Variants in CLTB observed in about 807,000 individuals in gnomAD.
The protein encoded by CLTB is clathrin, light chain (Lcb).
In CLTB, 10 loss-of-function variants were observed where a neutral mutation model predicts 30.5. That is an observed-to-expected ratio of 0.33 (90% CI 0.20 to 0.56). The LOEUF (loss-of-function observed/expected upper bound fraction) is 0.56. Ranked by LOEUF, CLTB falls within the 20% of genes least tolerant of loss-of-function variation. CLTB has a pLI of 0.91. For synonymous variants in CLTB, 102 were observed against 120.3 expected, an observed-to-expected ratio of 0.85 and a Z score of 1.00; for missense variants, 261 against 308.3, an observed-to-expected ratio of 0.85 and a Z score of 1.15.
At chr5:176,404,906 T>C (rs1255544311) in intron 2 of CLTB, among the ~76,000 whole-genome samples, 3 of 152,184 alleles carry the variant, frequency 2.0e-5, no homozygotes, top group Non-Finnish European at 2.9e-5. Flanking sequence ...ACAGTTGCAT[T>C]CCCTAACTTT....
At chr5:176,398,729 A>G (rs1355822206) in intron 2 of CLTB, among the ~76,000 whole-genome samples, 1 of 152,060 alleles carries the variant, frequency 6.6e-6, no homozygotes, top group African/African-American at 2.4e-5. Flanking sequence ...TAAACAAATA[A>G]AAATAAAAAA....
In CLTB at chr5:176,400,305, G is replaced by A. The variant is rs538852605; in HGVS notation, c.235-2258C>T. On this transcript the variant is annotated intron_variant, in intron 2 of 5. Transcript: ENST00000310418. ...TAATATTTGTGAGATATTTAGAAGA[G>A]TGCTTGGTGTGGAGTGATGGCTCAG... Among the ~76,000 whole-genome samples, 5 of 152,318 alleles carry A rather than the reference G, an allele frequency of 3.3e-5. No homozygotes were observed. In the East Asian group the frequency reaches 9.6e-4, roughly 29 times the overall value.
intron 2 of CLTB, among the ~76,000 whole-genome samples, chr5:176,403,181 G>A (rs1756913974): frequency 6.6e-6 from 1 of 150,726 alleles, no homozygotes; most frequent in Non-Finnish European, 1.5e-5. Context: ...TCCCAAGTAG[G>A]TGGGATTACA....
Position 176,416,491 on chromosome 5 carries a change from G to A in CLTB, c.-128C>T. Reference sequence around the variant, plus strand: ...AGCCGGCGTCGGCGGGGACGGGCTTGGCGCGGACCGCACTTCCTCTCCGCC... The same window carrying A: ...AGCCGGCGTCGGCGGGGACGGGCTTAGCGCGGACCGCACTTCCTCTCCGCC... On this transcript the variant is annotated 5_prime_UTR_variant, in exon 1 of 6. Transcript: ENST00000310418. 1 of 757,372 alleles carries A rather than the reference G, an allele frequency of 1.3e-6. No homozygotes were observed. Among genetic ancestry groups the A allele is most frequent in the Non-Finnish European group, 1.8e-6 (1 of 560,958 alleles). The allele number at this position is 757,372 out of a possible 1,614,324, so 46.9% of individuals were successfully genotyped here.
rs145018345 is a variant in CLTB at position 176,415,717 on chromosome 5, C to G, written c.187+460G>C. Among the ~76,000 whole-genome samples, 64 of 152,288 alleles carry G rather than the reference C, an allele frequency of 4.2e-4. 1 individual carries two copies. The Middle Eastern group carries it at 0.01, about 24-fold the overall frequency. ...CAGCGACTGCCGAATGCCAGGCGGTCACCGGGGAAGGTTAGTGAGTTCCTG... is the reference window on the plus strand; with the variant it reads ...CAGCGACTGCCGAATGCCAGGCGGTGACCGGGGAAGGTTAGTGAGTTCCTG... On this transcript the variant is annotated intron_variant, in intron 1 of 5. Coordinates refer to ENST00000310418, the MANE Select transcript of CLTB (RefSeq NM_007097.5).
At chr5:176,415,545 T>G (rs1339533354) in intron 1 of CLTB, among the ~76,000 whole-genome samples, 1 of 152,178 alleles carries the variant, frequency 6.6e-6, no homozygotes, top group Non-Finnish European at 1.5e-5. Context: ...AATATATATG[T>G]AAAAGAAAAA....
chr5:176,396,608 G>T, intron 4 of CLTB, 76 bp from the exon 5 acceptor site: 1 of 391,244 alleles, frequency 2.6e-6, no homozygotes, highest in Non-Finnish European at 4.3e-6. Context: ...CAGAAGGTTA[G>T]AGAGAGAGAG....
At chr5:176,398,070 T>C (rs995063442) in intron 2 of CLTB, 23 bp from the exon 3 acceptor site, 2 of 1,606,260 alleles carry the variant, frequency 1.2e-6, no homozygotes, top group African/African-American at 2.7e-5. Context: ...CACGCAGCAG[T>C]CTATCCAGCC....
At chr5:176,403,718 C>T (rs973321478) in intron 2 of CLTB, among the ~76,000 whole-genome samples, 1 of 151,770 alleles carries the variant, frequency 6.6e-6, no homozygotes, top group Admixed American at 6.6e-5. Context: ...TCCCAAAGTG[C>T]TGGGATTACA....
chr5:176,400,145 C>G (rs979745321), intron 2 of CLTB, among the ~76,000 whole-genome samples: 2 of 134,144 alleles, frequency 1.5e-5, no homozygotes, highest in Non-Finnish European at 3.2e-5. Context: ...TGCAGTGAGC[C>G]AAGATCACAC....
Position 176,397,971 on chromosome 5 carries a change from C to A in CLTB, c.311G>T (p.Arg104Leu), listed in dbSNP as rs372564708. 6.2e-7 allele frequency: 1 copy of A among 1,614,092 alleles called. No homozygotes were observed. The highest frequency in any genetic ancestry group is 8.5e-7 in the Non-Finnish European group (1 of 1,180,044). ...DRLTQEPESI[R>L]KWREEQRKRL... ...TTTCCTCTGCTCCTCTCGCCACTTG[C>A]GGATGCTCTCAGGCTCCTGGGTCAG... Residue 104 changes from arginine (R) to leucine (L), a missense_variant, in exon 3 of 6, where the codon CGC becomes CTC. By Grantham distance (102) the Arg-to-Leu change is moderately radical (BLOSUM62 -2). Coordinates refer to ENST00000310418, the MANE Select transcript of CLTB (RefSeq NM_007097.5).
At chr5:176,402,270 C>T (rs369134211) in intron 2 of CLTB, among the ~76,000 whole-genome samples, 19 of 152,278 alleles carry the variant, frequency 1.2e-4, no homozygotes, top group African/African-American at 4.6e-4. Context: ...TGTACTCCAG[C>T]CTAGGTAACA....
intron 5 of CLTB, among the ~76,000 whole-genome samples, chr5:176,395,980 CAA>C (rs1756503289): frequency 6.6e-6 from 1 of 152,132 alleles, no homozygotes; most frequent in South Asian, 2.1e-4. Context: ...ACTAAAAATA[CAA>C]AAGTTAGCCG....
In CLTB at chr5:176,415,377, C is replaced by T. The variant is rs139341745; in HGVS notation, c.187+800G>A. Reference sequence around the variant, plus strand: ...GGTCAGGTGGAGAGGGCTTCAAGTCCGACAGGAACAGGTTTAAATTCACGG... The same window carrying T: ...GGTCAGGTGGAGAGGGCTTCAAGTCTGACAGGAACAGGTTTAAATTCACGG... On this transcript the variant is annotated intron_variant, in intron 1 of 5. Coordinates refer to ENST00000310418, the MANE Select transcript of CLTB (RefSeq NM_007097.5). 4.7e-3 allele frequency among the ~76,000 whole-genome samples: 719 copies of T among 152,140 alleles called. 6 individuals carry two copies. Among genetic ancestry groups the T allele is most frequent in the African/African-American group, 0.016 (678 of 41,500 alleles).
chr5:176,396,628 A>G, intron 4 of CLTB, 96 bp from the exon 5 acceptor site: 1 of 844,898 alleles, frequency 1.2e-6, no homozygotes, highest in South Asian at 1.4e-5. Context: ...GAGAGACAGC[A>G]TTAGTACCTC....
intron 2 of CLTB, among the ~76,000 whole-genome samples, chr5:176,405,243 AC>A (rs1311541415): frequency 6.6e-6 from 1 of 152,102 alleles, no homozygotes; most frequent in Non-Finnish European, 1.5e-5. Context: ...TAATCCCAGC[AC>A]TTTGGGAGGC....
At chr5:176,400,278 T>C (rs1756754473) in intron 2 of CLTB, among the ~76,000 whole-genome samples, 1 of 152,198 alleles carries the variant, frequency 6.6e-6, no homozygotes, top group Non-Finnish European at 1.5e-5. Context: ...GATTTAATAC[T>C]ATAATATTTG....
chr5:176,401,265 G>A (rs1756803829), intron 2 of CLTB, among the ~76,000 whole-genome samples: 1 of 152,206 alleles, frequency 6.6e-6, no homozygotes, highest in Admixed American at 6.5e-5. Flanking sequence ...GTGTATATGG[G>A]TTTATCCAGG....
chr5:176,406,666 T>C, intron 2 of CLTB: 4 of 1,289,212 alleles, frequency 3.1e-6, no homozygotes, highest in Non-Finnish European at 3.0e-6. Flanking sequence ...TTAGGCTGTA[T>C]TGGCAACTGG....
Sources: allele counts gnomAD v4.1 joint callset (sites outside exome capture counted in the v4.1 genomes callset), GRCh38; gene constraint gnomAD v4.1.1; transcripts MANE v1.5; gene names NCBI Gene and HGNC (gene_info 2026-07-23, HGNC 2026-07-21).